The following NUDT14 variants were observed in gnomAD, a reference collection of about 807,000 sequenced individuals.
NUDT14 encodes uridine diphosphate glucose pyrophosphatase NUDT14.
NUDT14 carries 22 observed loss-of-function variants against 17.5 expected under a neutral mutation model. The ratio of observed to expected loss-of-function variants is 1.26; its 90% CI spans 0.90 to 1.80. The LOEUF is 1.80. NUDT14 is among the 40% of genes most tolerant of loss of function. The pLI is 0.00. For missense variants in NUDT14, 296 were observed against 295.6 expected (o/e 1.00, Z -0.01); for synonymous variants, 129 against 125.8 (o/e 1.03, Z -0.17).
At chr14:105,180,355 C>T (rs1452643416) in intron 1 of NUDT14, among the ~76,000 whole-genome samples, 1 of 152,118 alleles carries the variant, frequency 6.6e-6, no homozygotes, top group Non-Finnish European at 1.5e-5. Flanking sequence ...GTCCCAGCTA[C>T]TGGGGCGGGG....
Position 105,173,195 on chromosome 14 carries a change from A to G in NUDT14, c.495T>C (p.Arg165=). 6.2e-7 allele frequency: 1 copy of G among 1,610,174 alleles called. No homozygotes were observed. Among genetic ancestry groups the G allele is most frequent in the Non-Finnish European group, 8.5e-7 (1 of 1,178,894 alleles). ...MFYTEVTDAQ[R]SGPGGGLVEE... ...CCACCAGGCCCCCACCTGGACCGCT[A>G]CGCTGGGCATCTGTCACCTCTGTGT... The change falls in exon 5 of 5, where the codon CGT becomes CGC. Residue 165 remains arginine (R), a synonymous_variant. Coordinates refer to ENST00000392568, the MANE Select transcript of NUDT14 (RefSeq NM_177533.5). The surrounding 1 kb of genome is among the most constrained non-coding windows in gnomAD (Gnocchi z 4.7).
intron 4 of NUDT14, chr14:105,175,443 TCACCGCAACC>T (rs1889189898): frequency 3.7e-5 from 1 of 26,974 alleles, no homozygotes; most frequent in South Asian, 1.0e-3. Flanking sequence ...CGATCTCGGC[TCACCGCAACC>T]TCCGCCTCCT....
rs989743379 is a variant in NUDT14 at position 105,173,939 on chromosome 14, G to A, written c.429-678C>T. On this transcript the variant is annotated intron_variant, in intron 4 of 4. Transcript: ENST00000392568. The surrounding 1 kb of genome is among the most constrained non-coding windows in gnomAD (Gnocchi z 4.7). ...CCATGCCAGACCCCAGCCCATACCC[G>A]GGGACACAGGCTGGCTGGGAAGCAG... is the stretch of plus-strand genomic sequence containing the variant. Among the ~76,000 whole-genome samples the A allele has an allele frequency of 7.9e-5, 12 of 152,016 alleles. No homozygotes were observed. The highest frequency in any genetic ancestry group is 1.3e-4 in the Non-Finnish European group (9 of 67,994).
chr14:105,181,233 CCGCGAG>C lies in NUDT14; in HGVS notation c.-30_-25del. 1 of 254,244 alleles carries C rather than the reference CCGCGAG, an allele frequency of 3.9e-6. No homozygotes were observed. The highest frequency in any genetic ancestry group is 4.9e-6 in the Non-Finnish European group (1 of 203,138). The allele number at this position is 254,244 out of a possible 1,614,324, so 15.7% of individuals were successfully genotyped here. ...ATGGCGGCGCCCGGACAGGCGGGGG[CCGCGAG>C]CTCTGCGGGGGCCGACACGGGGCGG... On this transcript the variant is annotated 5_prime_UTR_variant, in exon 1 of 5. Coordinates refer to ENST00000392568, the MANE Select transcript of NUDT14 (RefSeq NM_177533.5). This position sits in a 1 kb window ranked among gnomAD's most constrained non-coding sequence, Gnocchi z 5.0.
chr14:105,177,257 AGGCGGGG>A (rs1367649982), intron 2 of NUDT14: 1 of 645,774 alleles, frequency 1.5e-6, no homozygotes, highest in Non-Finnish European at 2.8e-6. Context: ...GCAGGATGGG[AGGCGGGG>A]GGCAGGGAAG....
In NUDT14 at chr14:105,173,093, G is replaced by A. The variant is rs1889138702; in HGVS notation, c.597C>T (p.Pro199=). Residue 199 remains proline, a synonymous_variant, in exon 5 of 5, where the codon CCC becomes CCT. Coordinates refer to ENST00000392568, the MANE Select transcript of NUDT14 (RefSeq NM_177533.5). This position sits in a 1 kb window ranked among gnomAD's most constrained non-coding sequence, Gnocchi z 4.7. ...CACCAAAGATGACGCCGAGGGTCTT[G>A]GGGATGTCCGGGTCGTCTGCAAAGG... is the stretch of plus-strand genomic sequence containing the variant. ...AQAFADDPDI[P]KTLGVIFGVS... 6.3e-7 allele frequency: 1 copy of A among 1,580,914 alleles called. No individual in the cohort carries two copies.
At position 105,181,241 on chromosome 14, in the gene NUDT14, TCTGCGGGGGC is replaced by T; in HGVS notation, c.-42_-33del. 1 of 227,766 alleles carries T rather than the reference TCTGCGGGGGC, an allele frequency of 4.4e-6. No individual in the cohort carries two copies. Among genetic ancestry groups the T allele is most frequent in the Non-Finnish European group, 5.6e-6 (1 of 179,898 alleles). 14.1% of individuals were successfully genotyped at this position (227,766 alleles called of 1,614,324 possible). The stretch of plus-strand genomic sequence containing the variant: ...GCCCGGACAGGCGGGGGCCGCGAGC[TCTGCGGGGGC>T]CGACACGGGGCGGCGCCCTGTCCCG... On this transcript the variant is annotated 5_prime_UTR_variant, in exon 1 of 5. Transcript: ENST00000392568. The surrounding 1 kb of genome is among the most constrained non-coding windows in gnomAD (Gnocchi z 5.0).
At chr14:105,175,949 C>A in intron 4 of NUDT14, 1 of 1,263,796 alleles carries the variant, frequency 7.9e-7, no homozygotes, top group Non-Finnish European at 1.0e-6. Context: ...CCTCCTTCCC[C>A]AAGACCTCAG....
chr14:105,174,944 C>G lies in NUDT14; in HGVS notation c.428+1590G>C, dbSNP rs980499704. 9.8e-5 allele frequency among the ~76,000 whole-genome samples: 15 copies of G among 152,304 alleles called. No individual in the cohort carries two copies. The East Asian group carries it at 2.9e-3, about 29-fold the overall frequency. ...TGAACTTTGCTGTCAGTCCAGCCCC[C>G]CATCAGGCCCTCAGAGACGGACACC... On this transcript the variant is annotated intron_variant, in intron 4 of 4. Transcript: ENST00000392568.
At chr14:105,178,642 C>T (rs1307209598) in intron 1 of NUDT14, among the ~76,000 whole-genome samples, 2 of 152,328 alleles carry the variant, frequency 1.3e-5, no homozygotes, top group African/African-American at 4.8e-5. Context: ...GCCCATCTGC[C>T]ACTCTGAGGC....
Position 105,181,227 on chromosome 14 carries a change from CGG to C in NUDT14, c.-20_-19del. 1 of 262,106 alleles carries C rather than the reference CGG, an allele frequency of 3.8e-6. No individual in the cohort carries two copies. The highest frequency in any genetic ancestry group is 4.8e-6 in the Non-Finnish European group (1 of 210,154). The allele number at this position is 262,106 out of a possible 1,614,324, so 16.2% of individuals were successfully genotyped here. A position where few individuals can be genotyped will look rare whatever the true frequency, so the allele number is the denominator to read the frequency against. On this transcript the variant is annotated 5_prime_UTR_variant, in exon 1 of 5. Transcript: ENST00000392568. The surrounding 1 kb of genome is among the most constrained non-coding windows in gnomAD (Gnocchi z 5.0). ...CGCTCCATGGCGGCGCCCGGACAGG[CGG>C]GGGCCGCGAGCTCTGCGGGGGCCGA...
At chr14:105,178,210 C>T (rs915597892) in intron 1 of NUDT14, among the ~76,000 whole-genome samples, 5 of 151,800 alleles carry the variant, frequency 3.3e-5, no homozygotes, top group Admixed American at 1.3e-4. Flanking sequence ...CAGGAGGGGC[C>T]GGCACCAGGA....
At chr14:105,178,788 G>A (rs1214036538) in intron 1 of NUDT14, among the ~76,000 whole-genome samples, 3 of 152,228 alleles carry the variant, frequency 2.0e-5, no homozygotes, top group Admixed American at 6.5e-5. Context: ...ACTTTCTGGA[G>A]GAGGTGACGG....
chr14:105,179,493 GT>G (rs957778755), intron 1 of NUDT14, among the ~76,000 whole-genome samples: 43 of 152,386 alleles, frequency 2.8e-4, no homozygotes, highest in African/African-American at 1.0e-3. Context: ...CAGCAGAGCT[GT>G]GCCGGCGGGC....
At chr14:105,180,986 G>A (rs1889313251) in intron 1 of NUDT14, 143 bp downstream of exon 1, 1 of 224,498 alleles carries the variant, frequency 4.5e-6, no homozygotes, top group African/African-American at 2.3e-5. Flanking sequence ...CCGGCGGGCG[G>A]ACAAGCGGCC....
rs377703605 is a variant in NUDT14, at chr14:105,176,719, T to C, written c.243A>G (p.Val81=). 5 of 1,612,610 alleles carry C rather than the reference T, an allele frequency of 3.1e-6. No individual in the cohort carries two copies. Among genetic ancestry groups the C allele is most frequent in the East Asian group, 4.5e-5 (2 of 44,894 alleles). ...ERRFPGSLAA[V]DQDGPRELQP... ...GTAGCTCCCGAGGCCCGTCCTGGTCTACAGCTGCTAGGGACCCTGGGAAGC... is the reference window on the plus strand; with the variant it reads ...GTAGCTCCCGAGGCCCGTCCTGGTCCACAGCTGCTAGGGACCCTGGGAAGC... Residue 81 remains valine (V), a synonymous_variant, in exon 4 of 5, where the codon GTA becomes GTG. Coordinates refer to ENST00000392568, the MANE Select transcript of NUDT14 (RefSeq NM_177533.5).
rs1451496218 is a variant in NUDT14, at chr14:105,172,987, G to A, written c.*34C>T. On this transcript the variant is annotated 3_prime_UTR_variant, in exon 5 of 5. Coordinates refer to ENST00000392568, the MANE Select transcript of NUDT14 (RefSeq NM_177533.5). ...GGGTCCGCGGGGTGTGGGGTGAGTG[G>A]CCAAGACTGGCCTCTGTCTAGAACC... The A allele has an allele frequency of 2.0e-6, 3 of 1,470,868 alleles. No homozygotes were observed. In the South Asian group the frequency reaches 4.4e-5, roughly 22 times the overall value. 91.1% of individuals were successfully genotyped at this position (1,470,868 alleles called of 1,614,324 possible).
chr14:105,174,333 G>A (rs1889166803), intron 4 of NUDT14, among the ~76,000 whole-genome samples: 1 of 151,278 alleles, frequency 6.6e-6, no homozygotes, highest in South Asian at 2.1e-4. Context: ...TGGATCTGGG[G>A]AGAAACGGGA....
At chr14:105,176,916 C>A in intron 3 of NUDT14, 47 bp downstream of exon 3, 9 of 1,588,454 alleles carry the variant, frequency 5.7e-6, no homozygotes, top group Non-Finnish European at 7.8e-6. Flanking sequence ...ACCACAGGGA[C>A]CTGAAGGTGA....
Sources: gnomAD v4.1 joint callset for allele counts (sites outside exome capture counted in the v4.1 genomes callset) on GRCh38, gnomAD v4.1.1 for gene constraint, Gnocchi (gnomAD v3.1) non-coding constraint, MANE v1.5 for transcripts, NCBI Gene and HGNC (gene_info 2026-07-23, HGNC 2026-07-21) for gene names.